ACAN: variants seen among roughly 807,000 people sequenced by gnomAD.
ACAN encodes aggrecan, also known as aggrecan core protein.
ACAN carries 47 observed loss-of-function variants against 169.1 expected under a neutral mutation model. The observed-to-expected ratio is 0.28, with a 90% CI of 0.22 to 0.35. The LOEUF (loss-of-function observed/expected upper bound fraction) is 0.35, where lower values mean the gene tolerates loss of function less well. Ranked by LOEUF, ACAN falls within the 10% of genes least tolerant of loss-of-function variation. The probability of loss-of-function intolerance (pLI) is 1.00; values close to 1 mark genes in which losing one functional copy is unlikely to be tolerated. For synonymous variants in ACAN, 1,115 were observed against 1,112.2 expected (o/e 1.00, Z -0.05); for missense variants, 2,716 against 2,759.9 (o/e 0.98, Z 0.36).
At chr15:88,846,499 A>G (rs907617083) in intron 7 of ACAN, among the ~76,000 whole-genome samples, 10 of 152,260 alleles carry the variant, frequency 6.6e-5, no homozygotes, top group African/African-American at 2.4e-4. Flanking sequence ...AGCCATAGCC[A>G]TCTGTGGACA....
chr15:88,841,922 C>G, intron 5 of ACAN, 55 bp downstream of exon 5: 1 of 1,605,622 alleles, frequency 6.2e-7, no homozygotes, highest in Non-Finnish European at 8.5e-7. Flanking sequence ...GGCCACCTTC[C>G]CCTCCCCATC....
chr15:88,870,880 TG>T lies in ACAN; in HGVS notation c.7061-501del, dbSNP rs1465907665. Among the ~76,000 whole-genome samples the T allele has an allele frequency of 6.6e-5, 10 of 152,302 alleles. No individual in the cohort carries two copies. In the East Asian group the frequency reaches 1.9e-3, roughly 29 times the overall value. On this transcript the variant is annotated intron_variant, in intron 14 of 18. Coordinates refer to ENST00000560601, the MANE Select transcript of ACAN (RefSeq NM_001369268.1). This position sits in a 1 kb window ranked among gnomAD's most constrained non-coding sequence, Gnocchi z 6.3. ...CCAAGCAGACTTATTTCTGCTCCTC[TG>T]TTCCCACCTGAGGTTCTGCAGGAAG...
intron 11 of ACAN, 101 bp from the exon 12 acceptor site, chr15:88,854,751 A>G: frequency 1.2e-5 from 16 of 1,294,550 alleles, no homozygotes; most frequent in Non-Finnish European, 1.6e-5. Flanking sequence ...TGAGAGAAAA[A>G]TTTTACTGTG....
At position 88,858,664 on chromosome 15, in the gene ACAN, G is replaced by A. The variant is rs1455898146; in HGVS notation, c.6079G>A (p.Glu2027Lys). 7 of 1,613,870 alleles carry A rather than the reference G, an allele frequency of 4.3e-6. No individual in the cohort carries two copies. The highest frequency in any genetic ancestry group is 5.9e-6 in the Non-Finnish European group (7 of 1,179,906). ...ESSVAMGTSGEASGLPEVTLI... is the reference protein window; with the variant it reads ...ESSVAMGTSGKASGLPEVTLI... ...CTCTGTAGCCATGGGCACCAGTGGA[G>A]AGGCCTCAGGACTTCCAGAAGTTAC... Residue 2027 changes from glutamate (E) to lysine (K), a missense_variant, in exon 12 of 19, where the codon GAG (glutamate) becomes AAG (lysine). Physicochemically the swap from Glu to Lys is moderately conservative, Grantham distance 56. Coordinates refer to ENST00000560601, the MANE Select transcript of ACAN (RefSeq NM_001369268.1). This position sits in a 1 kb window ranked among gnomAD's most constrained non-coding sequence, Gnocchi z 4.0.
chr15:88,849,010 G>A lies in ACAN; in HGVS notation c.1733-428G>A, dbSNP rs766452307. ...AGTTCCCAGGGTGTGGGGTGAGCAC[G>A]TCCACAGCAGTCACAGTGATAAGTG... is the stretch of plus-strand genomic sequence containing the variant. On this transcript the variant is annotated intron_variant, in intron 9 of 18. Coordinates refer to ENST00000560601, the MANE Select transcript of ACAN (RefSeq NM_001369268.1). This position sits in a 1 kb window ranked among gnomAD's most constrained non-coding sequence, Gnocchi z 5.1. 2.6e-5 allele frequency among the ~76,000 whole-genome samples: 4 copies of A among 152,216 alleles called. No homozygotes were observed. The highest frequency in any genetic ancestry group is 4.8e-5 in the African/African-American group (2 of 41,446).
rs898310357 is a variant in ACAN, at chr15:88,868,471, T to A, written c.7060+142T>A. On this transcript the variant is annotated intron_variant, in intron 14 of 18. Coordinates refer to ENST00000560601, the MANE Select transcript of ACAN (RefSeq NM_001369268.1). This position sits in a 1 kb window ranked among gnomAD's most constrained non-coding sequence, Gnocchi z 5.2. ...GGAGAGCCATTTCAGGGGCCACAAC[T>A]GAAAATTCTGCCCCACTGATTCCCA... 1.7e-6 allele frequency: 1 copy of A among 587,382 alleles called. No homozygotes were observed. The highest frequency in any genetic ancestry group is 1.9e-5 in the African/African-American group (1 of 53,670). The allele number at this position is 587,382 out of a possible 1,614,324, so 36.4% of individuals were successfully genotyped here.
intron 4 of ACAN, among the ~76,000 whole-genome samples, chr15:88,840,511 C>G (rs192276032): frequency 6.6e-6 from 1 of 152,138 alleles, no homozygotes; most frequent in South Asian, 2.1e-4. Context: ...TTTTTATAAA[C>G]AAACTTCCAT....
intron 1 of ACAN, among the ~76,000 whole-genome samples, chr15:88,811,556 A>T (rs1024925702): frequency 6.6e-6 from 1 of 152,198 alleles, no homozygotes; most frequent in Admixed American, 6.5e-5. Context: ...TGTGGATTAG[A>T]AGACAACAAT....
chr15:88,854,708 A>G, intron 11 of ACAN, 144 bp from the exon 12 acceptor site: 1 of 853,732 alleles, frequency 1.2e-6, no homozygotes, highest in Non-Finnish European at 1.6e-6. Flanking sequence ...ACACAGTTCC[A>G]TTAGAAAGCA....
At chr15:88,815,326 A>AG (rs1196174352) in intron 1 of ACAN, among the ~76,000 whole-genome samples, 1 of 152,096 alleles carries the variant, frequency 6.6e-6, no homozygotes, top group Non-Finnish European at 1.5e-5. Flanking sequence ...TGAGAGGCCG[A>AG]GGTGGGAGGA....
chr15:88,836,710 G>C (rs1896512690), intron 2 of ACAN, among the ~76,000 whole-genome samples: 1 of 152,256 alleles, frequency 6.6e-6, no homozygotes. Context: ...AAAAGCCCCA[G>C]GGAATCAGAC....
Position 88,869,512 on chromosome 15 carries a change from A to G in ACAN, c.7060+1183A>G, listed in dbSNP as rs2141634227. The stretch of plus-strand genomic sequence containing the variant: ...CCCCAAGACCCCAAGAAATTGGTAT[A>G]TGGGGTCTTGGCTGGGGTGGAAGCA... On this transcript the variant is annotated intron_variant, in intron 14 of 18. Coordinates refer to ENST00000560601, the MANE Select transcript of ACAN (RefSeq NM_001369268.1). This position sits in a 1 kb window ranked among gnomAD's most constrained non-coding sequence, Gnocchi z 4.2. 6.6e-6 allele frequency among the ~76,000 whole-genome samples: 1 copy of G among 152,268 alleles called. No individual in the cohort carries two copies. The highest frequency in any genetic ancestry group is 1.9e-4 in the East Asian group (1 of 5,174).
chr15:88,809,873 T>C (rs778396146), intron 1 of ACAN, among the ~76,000 whole-genome samples: 5 of 152,208 alleles, frequency 3.3e-5, no homozygotes, highest in Non-Finnish European at 5.9e-5. Context: ...GAGATTTATC[T>C]CAATGCAGGC....
At chr15:88,823,582 G>C (rs1409876458) in intron 1 of ACAN, among the ~76,000 whole-genome samples, 1 of 152,118 alleles carries the variant, frequency 6.6e-6, no homozygotes, top group Non-Finnish European at 1.5e-5. Flanking sequence ...AAGGCTGATG[G>C]TGTTCAGCCA....
Position 88,848,881 on chromosome 15 carries a change from C to A in ACAN, c.1733-557C>A, listed in dbSNP as rs1209017342. Among the ~76,000 whole-genome samples, 7 of 152,168 alleles carry A rather than the reference C, an allele frequency of 4.6e-5. No individual in the cohort carries two copies. In the East Asian group the frequency reaches 5.8e-4, roughly 13 times the overall value. ...TTAAATGAGATATGTATGAAAAGTT[C>A]TTGGCACAAGTAGGTGTTCAGTAAG... On this transcript the variant is annotated intron_variant, in intron 9 of 18. Transcript: ENST00000560601.
intron 1 of ACAN, among the ~76,000 whole-genome samples, chr15:88,821,241 G>A (rs1408365311): frequency 6.6e-6 from 1 of 152,152 alleles, no homozygotes; most frequent in African/African-American, 2.4e-5. Context: ...CCAGGCTCAT[G>A]CGATCCTCCT....
At position 88,858,791 on chromosome 15, in the gene ACAN, C is replaced by A; in HGVS notation, c.6206C>A (p.Ser2069Tyr). 6.2e-7 allele frequency: 1 copy of A among 1,613,850 alleles called. No individual in the cohort carries two copies. The highest frequency in any genetic ancestry group is 8.5e-7 in the Non-Finnish European group (1 of 1,179,862). Residue 2069 changes from serine (S) to tyrosine (Y), a missense_variant, in exon 12 of 19, where the codon TCC (serine) becomes TAC (tyrosine). Physicochemically the swap from Ser to Tyr is moderately radical, Grantham distance 144. Around this residue, in one of 3 missense-constraint regions of ACAN, gnomAD observed 1,389 missense variants for 1,363.7 expected, o/e 1.02. Transcript: ENST00000560601. This position sits in a 1 kb window ranked among gnomAD's most constrained non-coding sequence, Gnocchi z 4.0. ...ACACACACACCCCAGCTTTTTGAGT[C>A]CAGTGGAAAAGTCTCCACAGCTGGG... Reference protein sequence around the residue: ...PVTHTPQLFESSGKVSTAGDI... With the variant: ...PVTHTPQLFEYSGKVSTAGDI...
chr15:88,862,876 T>C (rs999426544), intron 13 of ACAN, among the ~76,000 whole-genome samples: 1 of 151,622 alleles, frequency 6.6e-6, no homozygotes, highest in Non-Finnish European at 1.5e-5. Flanking sequence ...CGCACCCCTG[T>C]AATCCTAGCT....
chr15:88,868,078 C>T lies in ACAN; in HGVS notation c.6947-138C>T. The T allele has an allele frequency of 1.6e-6, 1 of 622,644 alleles. No individual in the cohort carries two copies. The allele number at this position is 622,644 out of a possible 1,614,324, so 38.6% of individuals were successfully genotyped here. ...GCAGCAGCAGCAGCAGCAGCAGCAA[C>T]AGTTCTCAGGAAAACCAGCCAGTTC... On this transcript the variant is annotated intron_variant, in intron 13 of 18. Coordinates refer to ENST00000560601, the MANE Select transcript of ACAN (RefSeq NM_001369268.1). This position sits in a 1 kb window ranked among gnomAD's most constrained non-coding sequence, Gnocchi z 5.2.
Sources: gnomAD v4.1 joint callset for allele counts (sites outside exome capture counted in the v4.1 genomes callset) on GRCh38, gnomAD v4.1.1 for gene constraint, gnomAD v4.1.1 regional missense constraint, Gnocchi (gnomAD v3.1) non-coding constraint, MANE v1.5 for transcripts, NCBI Gene and HGNC (gene_info 2026-07-23, HGNC 2026-07-21) for gene names.